The following ACBD5 variants were observed in gnomAD, a reference collection of about 807,000 sequenced individuals.
ACBD5 encodes the protein acyl-CoA-binding domain-containing protein 5.
A neutral mutation model predicts 71.8 loss-of-function variants in ACBD5; 40 were observed. The ratio of observed to expected loss-of-function variants is 0.56; its 90% CI spans 0.43 to 0.72. The LOEUF is 0.72. Ranked by LOEUF, ACBD5 falls within the 30% of genes least tolerant of loss-of-function variation. The pLI is 0.00. For synonymous variants in ACBD5, 229 were observed against 218.6 expected, an observed-to-expected ratio of 1.05 and a Z score of -0.42; for missense variants, 559 against 644.5, an observed-to-expected ratio of 0.87 and a Z score of 1.44.
intron 3 of ACBD5, among the ~76,000 whole-genome samples, chr10:27,233,769 G>T (rs1052769205): frequency 2.0e-5 from 3 of 152,262 alleles, no homozygotes; most frequent in Non-Finnish European, 4.4e-5. Context: ...GGGCGGGAGC[G>T]GGGGGTGGCT....
chr10:27,208,879 C>A lies in ACBD5; in HGVS notation c.1205-434G>T, dbSNP rs528788449. Among the ~76,000 whole-genome samples, 3 of 152,156 alleles carry A rather than the reference C, an allele frequency of 2.0e-5. No homozygotes were observed. The East Asian group carries it at 5.8e-4, about 29-fold the overall frequency. On this transcript the variant is annotated intron_variant, in intron 9 of 12. Transcript: ENST00000396271. The stretch of plus-strand genomic sequence containing the variant: ...ACTTCCAACGTGGAGTAGAAGCAGT[C>A]AGGAAGTACATAAAATAAACTGCTG...
rs2062629629 is a variant in ACBD5, at chr10:27,223,541, C to T, written c.376-89G>A. 4.1e-6 allele frequency: 4 copies of T among 969,172 alleles called. No homozygotes were observed. In the African/African-American group the frequency reaches 4.9e-5, roughly 12 times the overall value. 60.0% of individuals were successfully genotyped at this position (969,172 alleles called of 1,614,324 possible). A position where few individuals can be genotyped will look rare whatever the true frequency, so the allele number is the denominator to read the frequency against. On this transcript the variant is annotated intron_variant, in intron 4 of 12. Transcript: ENST00000396271. ...AAATAATCTCCTATTTCCAATTTGT[C>T]AATAATTTTAATATTTGACATTCAT...
intron 10 of ACBD5, among the ~76,000 whole-genome samples, chr10:27,207,639 C>A (rs1417803890): frequency 1.3e-5 from 2 of 152,184 alleles, no homozygotes; most frequent in African/African-American, 4.8e-5. Flanking sequence ...AGCTGAGTCC[C>A]GGGATTATCA....
intron 13 of ACBD5, among the ~76,000 whole-genome samples, chr10:27,188,681 A>C (rs2058920473): frequency 6.6e-6 from 1 of 152,228 alleles, no homozygotes; most frequent in Non-Finnish European, 1.5e-5. Context: ...CTTGAAATTC[A>C]GCCACAGGTA....
At chr10:27,201,858 T>C (rs2059962238) in intron 12 of ACBD5, among the ~76,000 whole-genome samples, 1 of 152,212 alleles carries the variant, frequency 6.6e-6, no homozygotes, top group South Asian at 2.1e-4. Flanking sequence ...TGTGTCCACA[T>C]GCATATTTAT....
intron 8 of ACBD5, among the ~76,000 whole-genome samples, chr10:27,212,173 AC>A (rs1447453609): frequency 1.3e-5 from 2 of 152,092 alleles, no homozygotes; most frequent in African/African-American, 4.8e-5. Flanking sequence ...ACATGACGAG[AC>A]CCCGTCTTTA....
In ACBD5 at chr10:27,211,074, T is replaced by C; in HGVS notation, c.944A>G (p.Asp315Gly). The change falls in exon 9 of 13, where the codon GAC becomes GGC. Residue 315 changes from aspartate to glycine, a missense_variant. By Grantham distance (94) the Asp-to-Gly change is moderately conservative (BLOSUM62 -1). Coordinates refer to ENST00000396271, the MANE Select transcript of ACBD5 (RefSeq NM_145698.5). ...TGGTCCATTGTTGGACGTAAAGCTG[T>C]CTAAAGACTACAAATTAGAAATGAC... is the stretch of plus-strand genomic sequence containing the variant. ...MEQFGQEESL[D>G]SFTSNNGPFQ... is the part of the protein sequence containing the mutation. 1 of 1,614,120 alleles carries C rather than the reference T, an allele frequency of 6.2e-7. No individual in the cohort carries two copies. The highest frequency in any genetic ancestry group is 8.5e-7 in the Non-Finnish European group (1 of 1,180,020).
rs12242335 is a variant in ACBD5, at chr10:27,231,449, G to A, written c.375+299C>T. On this transcript the variant is annotated intron_variant, in intron 4 of 12. Coordinates refer to ENST00000396271, the MANE Select transcript of ACBD5 (RefSeq NM_145698.5). The stretch of plus-strand genomic sequence containing the variant: ...GGAGAATTGCTTGAATTTGGAAGGC[G>A]GAGATTGCAGTGAGCCAATGTCATG... 0.079 allele frequency among the ~76,000 whole-genome samples: 12,038 copies of A among 152,094 alleles called. 1,551 individuals are homozygous for A. The highest frequency in any genetic ancestry group is 0.27 in the African/African-American group (11,227 of 41,410).
intron 9 of ACBD5, among the ~76,000 whole-genome samples, chr10:27,209,861 T>C (rs1285797770): frequency 6.6e-6 from 1 of 152,206 alleles, no homozygotes; most frequent in Non-Finnish European, 1.5e-5. Flanking sequence ...ATAAATTCCC[T>C]AGTTAGGTTA....
At chr10:27,204,676 G>A in intron 11 of ACBD5, 127 bp from the exon 12 acceptor site, 1 of 720,620 alleles carries the variant, frequency 1.4e-6, no homozygotes, top group Non-Finnish European at 2.4e-6. Flanking sequence ...CCTGCTGAAA[G>A]AAGAAAGATA....
In ACBD5 at chr10:27,235,169, G is replaced by A. The variant is rs2064487282; in HGVS notation, c.225C>T (p.Ser75=). 6.2e-7 allele frequency: 1 copy of A among 1,613,866 alleles called. No individual in the cohort carries two copies. The highest frequency in any genetic ancestry group is 1.3e-5 in the African/African-American group (1 of 75,026). The part of the protein sequence containing the change: ...PTNEMMLKFY[S]FYKQATEGPC... ...GTCCTTCAGTTGCCTGCTTATAGAA[G>A]CTATAAAATTTAAGCATCATTTCAT... The change falls in exon 3 of 13, where the codon AGC becomes AGT. Residue 75 remains serine (S), a synonymous_variant. Transcript: ENST00000396271.
intron 7 of ACBD5, among the ~76,000 whole-genome samples, chr10:27,215,996 T>C (rs1328604352): frequency 6.6e-6 from 1 of 151,768 alleles, no homozygotes; most frequent in Non-Finnish European, 1.5e-5. Context: ...CGCCTCAGCC[T>C]CCCGAGTAGC....
chr10:27,234,933 AAAAC>A lies in ACBD5; in HGVS notation c.302+155_302+158del, dbSNP rs71523565. 0.72 allele frequency among the ~76,000 whole-genome samples: 109,348 copies of A among 151,400 alleles called. 39,595 individuals carry two copies. Among genetic ancestry groups the A allele is most frequent in the Non-Finnish European group, 0.74 (50,165 of 67,764 alleles). ...GGCAACAGAGTGAGACTCCATCTCA[AAAAC>A]AAACAAACAAAAAAGAAAACCTGGA... On this transcript the variant is annotated intron_variant, in intron 3 of 12. Coordinates refer to ENST00000396271, the MANE Select transcript of ACBD5 (RefSeq NM_145698.5).
chr10:27,206,919 A>G (rs536155788), intron 10 of ACBD5, among the ~76,000 whole-genome samples: 82 of 152,232 alleles, frequency 5.4e-4, no homozygotes, highest in African/African-American at 1.9e-3. Flanking sequence ...ACAAATGTGC[A>G]TAGTATTTTA....
intron 6 of ACBD5, among the ~76,000 whole-genome samples, chr10:27,219,326 A>AAC (rs34613297): frequency 4.0e-5 from 6 of 151,062 alleles, no homozygotes; most frequent in Admixed American, 6.6e-5. Flanking sequence ...CAAAAAAAAA[A>AAC]CACTATGCCT....
intron 13 of ACBD5, among the ~76,000 whole-genome samples, chr10:27,188,232 T>C (rs1389440031): frequency 6.6e-6 from 1 of 152,218 alleles, no homozygotes; most frequent in Non-Finnish European, 1.5e-5. Flanking sequence ...TCACTTCTAG[T>C]AAAATGTTCA....
intron 2 of ACBD5, among the ~76,000 whole-genome samples, chr10:27,236,717 C>T (rs1378647699): frequency 4.6e-5 from 7 of 151,996 alleles, no homozygotes; most frequent in Admixed American, 2.6e-4. Context: ...GATGAAACCC[C>T]GTCTCTACTA....
rs1202880972 is a variant in ACBD5, at chr10:27,195,383, C to T, written c.*2047G>A. 4 of 454,350 alleles carry T rather than the reference C, an allele frequency of 8.8e-6. No individual in the cohort carries two copies. In the Admixed American group the frequency reaches 9.4e-5, roughly 11 times the overall value. The allele number at this position is 454,350 out of a possible 1,614,324, so 28.1% of individuals were successfully genotyped here. ...TACTTTTATATACAAGAACTGTGTGCAAAGTGCTTTTCAAACTATAAAATA... is the reference window on the plus strand; with the variant it reads ...TACTTTTATATACAAGAACTGTGTGTAAAGTGCTTTTCAAACTATAAAATA... On this transcript the variant is annotated 3_prime_UTR_variant, in exon 13 of 13. Coordinates refer to ENST00000396271, the MANE Select transcript of ACBD5 (RefSeq NM_145698.5).
intron 12 of ACBD5, among the ~76,000 whole-genome samples, chr10:27,198,867 T>G (rs892663085): frequency 1.3e-5 from 2 of 152,038 alleles, no homozygotes; most frequent in Non-Finnish European, 2.9e-5. Context: ...TCCCAGCACT[T>G]TGGGAGGCCG....
Sources: allele counts gnomAD v4.1 joint callset (sites outside exome capture counted in the v4.1 genomes callset), GRCh38; gene constraint gnomAD v4.1.1; transcripts MANE v1.5; gene names NCBI Gene and HGNC (gene_info 2026-07-23, HGNC 2026-07-21).